Variants in CTNNA3 observed in about 807,000 individuals in gnomAD.
The protein encoded by CTNNA3 is catenin alpha-3.
CTNNA3 carries 76 observed loss-of-function variants against 95.7 expected under a neutral mutation model. That is an observed-to-expected ratio of 0.79 (90% CI 0.66 to 0.96). The LOEUF (loss-of-function observed/expected upper bound fraction) is 0.96. Among genes scored for constraint, CTNNA3 ranks in the 40% least tolerant of loss-of-function variants. CTNNA3 has a pLI of 0.00. For missense variants in CTNNA3, 1,191 were observed against 1,089.8 expected (o/e 1.09, Z -1.31); for synonymous variants, 431 against 374.4 (o/e 1.15, Z -1.74).
intron 17 of CTNNA3, among the ~76,000 whole-genome samples, chr10:65,921,735 G>A (rs1194025008): frequency 6.6e-6 from 1 of 152,156 alleles, no homozygotes; most frequent in East Asian, 1.9e-4. Context: ...ACCTGATGCT[G>A]CTTGGAAAGA....
chr10:66,525,812 T>C (rs144456938), intron 10 of CTNNA3, among the ~76,000 whole-genome samples: 167 of 152,288 alleles, frequency 1.1e-3, no homozygotes, highest in African/African-American at 3.9e-3. Flanking sequence ...TTCCCATTCT[T>C]CCTTCCCCCT....
At chr10:67,337,912 C>T (rs1842053450) in intron 5 of CTNNA3, among the ~76,000 whole-genome samples, 1 of 152,142 alleles carries the variant, frequency 6.6e-6, no homozygotes, top group African/African-American at 2.4e-5. Context: ...CTTTTATATG[C>T]ACTGGGAAAT....
At chr10:66,317,566 G>C (rs10997056) in intron 12 of CTNNA3, among the ~76,000 whole-genome samples, 1 of 151,692 alleles carries the variant, frequency 6.6e-6, no homozygotes, top group Non-Finnish European at 1.5e-5. Context: ...CCAGCTACTC[G>C]GGAGGCTGAG....
chr10:67,663,533 C>G (rs773713632), intron 1 of CTNNA3, among the ~76,000 whole-genome samples: 1 of 152,118 alleles, frequency 6.6e-6, no homozygotes, highest in Non-Finnish European at 1.5e-5. Context: ...AACGGCCTCC[C>G]TCCCAGGATC....
At chr10:66,445,560 C>T (rs1299859637) in intron 11 of CTNNA3, among the ~76,000 whole-genome samples, 2 of 152,110 alleles carry the variant, frequency 1.3e-5, no homozygotes, top group Non-Finnish European at 2.9e-5. Flanking sequence ...GAACAACTTG[C>T]TCCTGAATGA....
chr10:66,117,657 G>A (rs553313358), intron 13 of CTNNA3, among the ~76,000 whole-genome samples: 6 of 152,150 alleles, frequency 3.9e-5, no homozygotes, highest in Non-Finnish European at 5.9e-5. Flanking sequence ...GAATGTGAAA[G>A]GACCACTAAT....
chr10:66,454,012 T>A (rs2093480397), intron 11 of CTNNA3, among the ~76,000 whole-genome samples: 1 of 152,036 alleles, frequency 6.6e-6, no homozygotes, highest in Non-Finnish European at 1.5e-5. Flanking sequence ...TCCATAGTCA[T>A]CACAGGTGAA....
chr10:66,729,891 T>G (rs967630520), intron 9 of CTNNA3, among the ~76,000 whole-genome samples: 1 of 149,024 alleles, frequency 6.7e-6, no homozygotes, highest in Non-Finnish European at 1.5e-5. Context: ...GATCACGAGG[T>G]CAGGAGATCG....
chr10:66,199,789 ATATATATATATATATATTTTTTTTTT>A (rs2087233744), intron 13 of CTNNA3, among the ~76,000 whole-genome samples: 3 of 11,160 alleles, frequency 2.7e-4, no homozygotes, highest in South Asian at 0.012. Flanking sequence ...ATATATATAT[ATATATATATATATATATTTTTTTTTT>A]TTTTTTTTTT....
At chr10:66,064,993 A>G (rs962200262) in intron 15 of CTNNA3, among the ~76,000 whole-genome samples, 1 of 152,192 alleles carries the variant, frequency 6.6e-6, no homozygotes, top group African/African-American at 2.4e-5. Flanking sequence ...CATTCATACA[A>G]CTTATACTCT....
intron 7 of CTNNA3, among the ~76,000 whole-genome samples, chr10:67,042,198 C>A (rs1854436957): frequency 6.6e-6 from 1 of 151,956 alleles, no homozygotes; most frequent in Admixed American, 6.6e-5. Flanking sequence ...TGTTAGAGGG[C>A]TAATTTGAGG....
At position 66,783,562 on chromosome 10, in the gene CTNNA3, C is replaced by T. The variant is rs531900115; in HGVS notation, c.1048-8038G>A. Reference sequence around the variant, plus strand: ...ACCCCTGAAGAAAGCAGCTGTGATGCTAATATAAAAGCGTCTGTACGAACG... The same window carrying T: ...ACCCCTGAAGAAAGCAGCTGTGATGTTAATATAAAAGCGTCTGTACGAACG... On this transcript the variant is annotated intron_variant, in intron 7 of 17. Transcript: ENST00000433211. 2.6e-5 allele frequency among the ~76,000 whole-genome samples: 4 copies of T among 152,178 alleles called. No individual in the cohort carries two copies. In the South Asian group the frequency reaches 6.2e-4, roughly 24 times the overall value.
rs141437396 is a variant in CTNNA3 at position 66,833,525 on chromosome 10, A to T, written c.1048-58001T>A. 1.1e-3 allele frequency among the ~76,000 whole-genome samples: 172 copies of T among 152,310 alleles called. 1 individual carries two copies. The highest frequency in any genetic ancestry group is 3.9e-3 in the African/African-American group (164 of 41,560). On this transcript the variant is annotated intron_variant, in intron 7 of 17. Coordinates refer to ENST00000433211, the MANE Select transcript of CTNNA3 (RefSeq NM_013266.4). ...ATCTGAAACTCAGAGAAAGTAAACA[A>T]GTCAGGGTTTATTATTTCTGTTTTG...
intron 1 of CTNNA3, chr10:67,665,518 TAA>T (rs942667745): frequency 1.4e-4 from 22 of 152,352 alleles, no homozygotes; most frequent in Admixed American, 4.6e-4. Flanking sequence ...GTTTGATTTT[TAA>T]AAGTTTGACA....
At chr10:66,186,965 G>A (rs115767997) in intron 13 of CTNNA3, among the ~76,000 whole-genome samples, 1 of 152,178 alleles carries the variant, frequency 6.6e-6, no homozygotes, top group African/African-American at 2.4e-5. Context: ...GTTTTAACTT[G>A]CCCCAATATT....
intron 3 of CTNNA3, among the ~76,000 whole-genome samples, chr10:67,601,734 C>T (rs987690095): frequency 6.6e-6 from 1 of 152,130 alleles, no homozygotes; most frequent in Non-Finnish European, 1.5e-5. Flanking sequence ...AATACTTTGT[C>T]ATTGTATTGG....
At chr10:66,575,496 C>A (rs12256594) in intron 10 of CTNNA3, among the ~76,000 whole-genome samples, 43,716 of 151,912 alleles carry the variant, frequency 0.29, 6,692 homozygotes, top group Middle Eastern at 0.42. Flanking sequence ...TTTTTTGAGC[C>A]CTCACCATGT....
chr10:66,445,522 C>A (rs973586795), intron 11 of CTNNA3, among the ~76,000 whole-genome samples: 1 of 152,164 alleles, frequency 6.6e-6, no homozygotes, highest in African/African-American at 2.4e-5. Flanking sequence ...AAGAAACTCA[C>A]TCAAAACTGC....
chr10:66,975,061 T>C (rs1299936131), intron 7 of CTNNA3, among the ~76,000 whole-genome samples: 1 of 152,148 alleles, frequency 6.6e-6, no homozygotes, highest in Non-Finnish European at 1.5e-5. Flanking sequence ...TAGACTCCAT[T>C]AAGACTCGCC....
Sources: gnomAD v4.1 joint callset for allele counts (sites outside exome capture counted in the v4.1 genomes callset) on GRCh38, gnomAD v4.1.1 for gene constraint, MANE v1.5 for transcripts, NCBI Gene and HGNC (gene_info 2026-07-23, HGNC 2026-07-21) for gene names.